Variants in AGBL4 observed in about 807,000 individuals in gnomAD.
AGBL4 encodes the protein AGBL carboxypeptidase 4.
AGBL4 carries 58 observed loss-of-function variants against 66.4 expected under a neutral mutation model. The ratio of observed to expected loss-of-function variants is 0.87; its 90% CI spans 0.71 to 1.09. The LOEUF (loss-of-function observed/expected upper bound fraction) is 1.09, where lower values mean the gene tolerates loss of function less well. AGBL4 is among the 50% of genes least tolerant of loss of function. The pLI is 0.00. For missense variants in AGBL4, 579 were observed against 631.0 expected, an observed-to-expected ratio of 0.92 and a Z score of 0.88; for synonymous variants, 234 against 222.9, an observed-to-expected ratio of 1.05 and a Z score of -0.44.
At chr1:49,128,646 G>C (rs1321532499) in intron 4 of AGBL4, among the ~76,000 whole-genome samples, 12 of 152,090 alleles carry the variant, frequency 7.9e-5, no homozygotes, top group Non-Finnish European at 1.5e-5. Flanking sequence ...GATGATGCTA[G>C]AACAACTGGA....
At chr1:49,257,326 A>T (rs1436948831) in intron 3 of AGBL4, 1 of 153,982 alleles carries the variant, frequency 6.5e-6, no homozygotes, top group Non-Finnish European at 1.4e-5. Flanking sequence ...GGCTCCACCC[A>T]GTTCGAGTTT....
chr1:49,367,374 C>A (rs1313099748), intron 3 of AGBL4, among the ~76,000 whole-genome samples: 1 of 152,194 alleles, frequency 6.6e-6, no homozygotes, highest in Non-Finnish European at 1.5e-5. Context: ...CTCTCTCTTG[C>A]TCCCTCTCTC....
Position 48,547,053 on chromosome 1 carries a change from G to T in AGBL4, c.1268-7315C>A, listed in dbSNP as rs550572410. 2.0e-5 allele frequency among the ~76,000 whole-genome samples: 3 copies of T among 152,166 alleles called. No homozygotes were observed. The East Asian group carries it at 5.8e-4, about 29-fold the overall frequency. Reference sequence around the variant, plus strand: ...CCTAAGAAGAGGGAAGGGTGTCTGGGAAGGGTCCTCGGGTGAGAGACGGAA... The same window carrying T: ...CCTAAGAAGAGGGAAGGGTGTCTGGTAAGGGTCCTCGGGTGAGAGACGGAA... On this transcript the variant is annotated intron_variant, in intron 11 of 13. Coordinates refer to ENST00000371839, the MANE Select transcript of AGBL4 (RefSeq NM_032785.4).
chr1:49,575,742 T>C (rs1644423230), intron 3 of AGBL4, among the ~76,000 whole-genome samples: 1 of 152,240 alleles, frequency 6.6e-6, no homozygotes, highest in African/African-American at 2.4e-5. Flanking sequence ...ACTTGGCAAA[T>C]GCCTTTTTCT....
intron 11 of AGBL4, among the ~76,000 whole-genome samples, chr1:48,557,183 T>A (rs1034207867): frequency 1.3e-5 from 2 of 152,234 alleles, no homozygotes; most frequent in African/African-American, 4.8e-5. Context: ...TTTAACAGTG[T>A]CTGGCACATC....
chr1:49,725,682 G>GTTTT lies in AGBL4; in HGVS notation c.158-28249_158-28246dup, dbSNP rs58294452. On this transcript the variant is annotated intron_variant, in intron 2 of 13. Coordinates refer to ENST00000371839, the MANE Select transcript of AGBL4 (RefSeq NM_032785.4). The stretch of plus-strand genomic sequence containing the variant: ...CCATTAATGTTCTTTTCCTTTGTGG[G>GTTTT]TTTTTTTTTTTTTTTTTTTTTGAGA... Among the ~76,000 whole-genome samples, 407 of 119,048 alleles carry GTTTT rather than the reference G, an allele frequency of 3.4e-3. 4 individuals are homozygous for GTTTT. The highest frequency in any genetic ancestry group is 5.4e-3 in the Non-Finnish European group (322 of 59,122). 78.1% of individuals were successfully genotyped at this position (119,048 alleles called of 152,430 possible).
At chr1:49,139,639 T>C (rs2148090372) in intron 4 of AGBL4, among the ~76,000 whole-genome samples, 1 of 152,298 alleles carries the variant, frequency 6.6e-6, no homozygotes, top group South Asian at 2.1e-4. Flanking sequence ...ACTGTATGTA[T>C]AATAATTGGT....
In AGBL4 at chr1:48,618,639, G is replaced by A. The variant is rs1645358783; in HGVS notation, c.951+15854C>T. Among the ~76,000 whole-genome samples the A allele has an allele frequency of 2.6e-5, 4 of 152,168 alleles. No individual in the cohort carries two copies. The South Asian group carries it at 8.3e-4, about 32-fold the overall frequency. On this transcript the variant is annotated intron_variant, in intron 9 of 13. Coordinates refer to ENST00000371839, the MANE Select transcript of AGBL4 (RefSeq NM_032785.4). ...ATCCAAGGTCAAAAGTAGCCAAGTT[G>A]GGGATGTGTACATCCTCAGGCTATG...
At chr1:50,006,965 C>G (rs895018654) in intron 1 of AGBL4, among the ~76,000 whole-genome samples, 5 of 152,128 alleles carry the variant, frequency 3.3e-5, no homozygotes, top group African/African-American at 1.2e-4. Flanking sequence ...CTACTCCTAT[C>G]TTGAGTATAA....
intron 1 of AGBL4, among the ~76,000 whole-genome samples, chr1:49,953,110 A>G (rs1656300640): frequency 6.6e-6 from 1 of 152,030 alleles, no homozygotes; most frequent in Non-Finnish European, 1.5e-5. Context: ...AACAGAAGCA[A>G]GAAGTTTGCA....
chr1:49,852,827 C>T (rs1275444180), intron 1 of AGBL4, among the ~76,000 whole-genome samples: 1 of 151,676 alleles, frequency 6.6e-6, no homozygotes, highest in Non-Finnish European at 1.5e-5. Context: ...TTGCTATGGT[C>T]ATCTTAAATA....
At chr1:50,020,181 C>T (rs894346045) in intron 1 of AGBL4, among the ~76,000 whole-genome samples, 1 of 152,044 alleles carries the variant, frequency 6.6e-6, no homozygotes, top group Non-Finnish European at 1.5e-5. Context: ...AACTTAATGT[C>T]TGCCTTTCTT....
intron 3 of AGBL4, among the ~76,000 whole-genome samples, chr1:49,495,736 A>C (rs1442868746): frequency 6.6e-6 from 1 of 152,052 alleles, no homozygotes; most frequent in African/African-American, 2.4e-5. Context: ...ATTTAAAAAA[A>C]GGGGAGGTAT....
chr1:49,896,910 C>G (rs192951813), intron 1 of AGBL4, among the ~76,000 whole-genome samples: 13 of 151,744 alleles, frequency 8.6e-5, no homozygotes, highest in East Asian at 1.9e-4. Context: ...ATTCAGCAAC[C>G]CTTCATGATA....
intron 3 of AGBL4, among the ~76,000 whole-genome samples, chr1:49,560,484 C>A (rs1458277523): frequency 6.6e-6 from 1 of 151,884 alleles, no homozygotes; most frequent in African/African-American, 2.4e-5. Context: ...AAAGTAGCCA[C>A]AAAAGGGTAA....
intron 2 of AGBL4, chr1:49,844,914 A>T (rs1364613686): frequency 2.2e-6 from 3 of 1,367,746 alleles, no homozygotes; most frequent in Admixed American, 3.4e-5. Flanking sequence ...AGGAGCAGTG[A>T]CAGAGGAATG....
chr1:49,791,813 A>G (rs1166041444), intron 2 of AGBL4, among the ~76,000 whole-genome samples: 1 of 151,936 alleles, frequency 6.6e-6, no homozygotes, highest in Non-Finnish European at 1.5e-5. Flanking sequence ...CTTTCATAAC[A>G]TTTCTCACAA....
chr1:48,987,669 T>C (rs1241460063), intron 5 of AGBL4, among the ~76,000 whole-genome samples: 1 of 152,120 alleles, frequency 6.6e-6, no homozygotes, highest in Non-Finnish European at 1.5e-5. Flanking sequence ...TAATTGACAC[T>C]TATAGAACAT....
At chr1:48,707,254 A>T (rs375812487) in intron 6 of AGBL4, among the ~76,000 whole-genome samples, 1 of 152,192 alleles carries the variant, frequency 6.6e-6, no homozygotes. Context: ...AGATCATGCC[A>T]CTGCACTCCA....
Sources: gnomAD v4.1 joint callset for allele counts (sites outside exome capture counted in the v4.1 genomes callset) on GRCh38, gnomAD v4.1.1 for gene constraint, MANE v1.5 for transcripts, NCBI Gene and HGNC (gene_info 2026-07-23, HGNC 2026-07-21) for gene names.